Variants in MINPP1 observed in about 807,000 individuals in gnomAD.
MINPP1 encodes the protein multiple inositol polyphosphate phosphatase 1.
In MINPP1, 28 loss-of-function variants were observed where a neutral mutation model predicts 46.1. That is an observed-to-expected ratio of 0.61 (90% confidence interval 0.45 to 0.83). MINPP1 has a LOEUF of 0.83. Among genes scored for constraint, MINPP1 ranks in the 40% least tolerant of loss-of-function variants. The pLI is 0.00. For synonymous variants in MINPP1, 268 were observed against 249.1 expected, an observed-to-expected ratio of 1.08 and a Z score of -0.72; for missense variants, 603 against 610.0, an observed-to-expected ratio of 0.99 and a Z score of 0.12.
intron 4 of MINPP1, among the ~76,000 whole-genome samples, chr10:87,524,001 T>A (rs1032969071): frequency 7.2e-5 from 11 of 152,204 alleles, no homozygotes; most frequent in Admixed American, 5.9e-4. Context: ...CCCTAGAATT[T>A]TTGGAATGAC....
intron 4 of MINPP1, among the ~76,000 whole-genome samples, chr10:87,540,482 G>GTC (rs1189406396): frequency 3.5e-5 from 4 of 114,404 alleles, no homozygotes; most frequent in Admixed American, 9.9e-5. Flanking sequence ...CTCTGTCTCT[G>GTC]TCTCTCTCTC....
At chr10:87,539,427 T>C (rs752939619) in intron 4 of MINPP1, among the ~76,000 whole-genome samples, 3 of 152,276 alleles carry the variant, frequency 2.0e-5, no homozygotes, top group Admixed American at 1.3e-4. Context: ...TACAATGTAA[T>C]GGGGGATGTA....
At chr10:87,517,395 G>A (rs1416484644) in intron 3 of MINPP1, among the ~76,000 whole-genome samples, 1 of 152,182 alleles carries the variant, frequency 6.6e-6, no homozygotes, top group East Asian at 1.9e-4. Context: ...TGAAGCAAAG[G>A]GGCAAGCGGT....
At chr10:87,514,694 G>A (rs1444665800) in intron 3 of MINPP1, among the ~76,000 whole-genome samples, 2 of 152,114 alleles carry the variant, frequency 1.3e-5, no homozygotes, top group Non-Finnish European at 2.9e-5. Context: ...AAGGACTGAT[G>A]TCTGCTTGTC....
Position 87,505,710 on chromosome 10 carries a change from ATATTACAGACTT to A in MINPP1, c.637+159_637+170del, listed in dbSNP as rs764871538. On this transcript the variant is annotated intron_variant, in intron 1 of 4. Transcript: ENST00000371996. The surrounding 1 kb of genome is among the most constrained non-coding windows in gnomAD (Gnocchi z 4.4). ...CGGGCTACGTCCTCCCTGTCGAGGG[ATATTACAGACTT>A]GGCTATCTCTTTTTCCCCTTACACG... Among the ~76,000 whole-genome samples, 1 of 151,772 alleles carries A rather than the reference ATATTACAGACTT, an allele frequency of 6.6e-6. No individual in the cohort carries two copies.
chr10:87,544,211 A>T (rs772190304), intron 4 of MINPP1, among the ~76,000 whole-genome samples: 2 of 152,188 alleles, frequency 1.3e-5, no homozygotes, highest in Non-Finnish European at 2.9e-5. Context: ...TGGCTCACAG[A>T]GCTCAGGAAA....
chr10:87,543,238 T>C (rs1564682559), intron 4 of MINPP1, among the ~76,000 whole-genome samples: 1 of 152,192 alleles, frequency 6.6e-6, no homozygotes, highest in Non-Finnish European at 1.5e-5. Context: ...TTAGAACTTA[T>C]ATACAAAAGG....
At chr10:87,514,532 G>A (rs973323820) in intron 3 of MINPP1, among the ~76,000 whole-genome samples, 3 of 151,992 alleles carry the variant, frequency 2.0e-5, no homozygotes, top group Admixed American at 1.3e-4. Flanking sequence ...TTTGTCCTTC[G>A]TACATTGGCG....
chr10:87,535,876 C>T (rs1164434026), intron 4 of MINPP1, among the ~76,000 whole-genome samples: 4 of 152,082 alleles, frequency 2.6e-5, no homozygotes, highest in Non-Finnish European at 1.5e-5. Flanking sequence ...CTAGGGTGAG[C>T]CGTGATCATG....
chr10:87,512,877 G>C (rs1202051745), intron 2 of MINPP1, among the ~76,000 whole-genome samples: 1 of 151,704 alleles, frequency 6.6e-6, no homozygotes, highest in Non-Finnish European at 1.5e-5. Flanking sequence ...AAATTTCTTA[G>C]TTTTATTGGG....
At chr10:87,520,903 A>G (rs1306322957) in intron 3 of MINPP1, 133 bp from the exon 4 acceptor site, 2 of 530,490 alleles carry the variant, frequency 3.8e-6, no homozygotes, top group Non-Finnish European at 6.7e-6. Context: ...TAAATGCTGG[A>G]AAGGACAAAT....
intron 4 of MINPP1, among the ~76,000 whole-genome samples, chr10:87,529,574 C>G (rs964655868): frequency 2.0e-5 from 3 of 152,224 alleles, no homozygotes; most frequent in African/African-American, 7.2e-5. Flanking sequence ...AAGAGATCCA[C>G]TGTTAGTCTG....
chr10:87,505,618 C>T lies in MINPP1; in HGVS notation c.637+66C>T. 3 of 1,473,498 alleles carry T rather than the reference C, an allele frequency of 2.0e-6. No homozygotes were observed. Among genetic ancestry groups the T allele is most frequent in the Non-Finnish European group, 2.7e-6 (3 of 1,092,322 alleles). 91.3% of individuals were successfully genotyped at this position (1,473,498 alleles called of 1,614,324 possible). A position where few individuals can be genotyped will look rare whatever the true frequency, so the allele number is the denominator to read the frequency against. On this transcript the variant is annotated intron_variant, in intron 1 of 4. Coordinates refer to ENST00000371996, the MANE Select transcript of MINPP1 (RefSeq NM_004897.5). This position sits in a 1 kb window ranked among gnomAD's most constrained non-coding sequence, Gnocchi z 4.4. ...ACCCGCCCTGGATGCTCTCCCGCCTCCCCCAGACCCTGGGCTTTTCCGATG... is the reference window on the plus strand; with the variant it reads ...ACCCGCCCTGGATGCTCTCCCGCCTTCCCCAGACCCTGGGCTTTTCCGATG...
chr10:87,508,518 A>G lies in MINPP1; in HGVS notation c.820A>G (p.Asn274Asp). Residue 274 changes from asparagine (N) to aspartate (D), a missense_variant, in exon 2 of 5, where the codon AAT (asparagine) becomes GAT (aspartate). Coordinates refer to ENST00000371996, the MANE Select transcript of MINPP1 (RefSeq NM_004897.5). ...TGCAGCTACTTTGCAAGTGCCAGTA[A>G]ATGATTTAAATGCAGGTAATATGTC... ...KVAATLQVPV[N>D]DLNADLIQVA... 1 of 1,612,578 alleles carries G rather than the reference A, an allele frequency of 6.2e-7. No homozygotes were observed.
At chr10:87,526,803 A>G (rs1174760190) in intron 4 of MINPP1, among the ~76,000 whole-genome samples, 1 of 152,206 alleles carries the variant, frequency 6.6e-6, no homozygotes, top group Non-Finnish European at 1.5e-5. Context: ...TAAATAGGGA[A>G]TCCTTTCCCC....
chr10:87,540,805 G>A (rs1453510205), intron 4 of MINPP1, among the ~76,000 whole-genome samples: 3 of 152,126 alleles, frequency 2.0e-5, no homozygotes, highest in Non-Finnish European at 4.4e-5. Context: ...TTGTGACACA[G>A]GGCAAAGAGC....
chr10:87,533,809 A>C (rs2131828935), intron 4 of MINPP1, among the ~76,000 whole-genome samples: 1 of 152,276 alleles, frequency 6.6e-6, no homozygotes, highest in Non-Finnish European at 1.5e-5. Context: ...ATTTTAACGT[A>C]AGATGGCAGC....
chr10:87,523,031 G>A (rs1851525142), intron 4 of MINPP1, among the ~76,000 whole-genome samples: 4 of 152,166 alleles, frequency 2.6e-5, no homozygotes. Flanking sequence ...AGGTGTTCAA[G>A]TTTGATCATG....
intron 3 of MINPP1, among the ~76,000 whole-genome samples, chr10:87,515,095 A>G (rs1322680349): frequency 6.6e-6 from 1 of 152,008 alleles, no homozygotes; most frequent in African/African-American, 2.4e-5. Context: ...TTGTAAATAA[A>G]GAACTTCTTG....
Sources: gnomAD v4.1 joint callset for allele counts (sites outside exome capture counted in the v4.1 genomes callset) on GRCh38, gnomAD v4.1.1 for gene constraint, Gnocchi (gnomAD v3.1) non-coding constraint, MANE v1.5 for transcripts, NCBI Gene and HGNC (gene_info 2026-07-23, HGNC 2026-07-21) for gene names.